The following DCUN1D1 variants were observed in gnomAD, a reference collection of about 807,000 sequenced individuals.
DCUN1D1 encodes defective in cullin neddylation 1 domain containing 1.
DCUN1D1 carries 3 observed loss-of-function variants against 39.0 expected under a neutral mutation model. That is an observed-to-expected ratio of 0.08 (90% CI 0.04 to 0.20). The LOEUF (loss-of-function observed/expected upper bound fraction) is 0.20. DCUN1D1 is among the 10% of genes least tolerant of loss of function. The pLI, the probability that DCUN1D1 is intolerant of heterozygous loss-of-function variation, is 1.00. For missense variants in DCUN1D1, 158 were observed against 302.4 expected (o/e 0.52, Z 3.54); for synonymous variants, 82 against 96.3 (o/e 0.85, Z 0.87).
intron 1 of DCUN1D1, among the ~76,000 whole-genome samples, chr3:182,979,607 C>CA (rs1553846263): frequency 6.7e-6 from 1 of 148,240 alleles, no homozygotes; most frequent in Admixed American, 6.7e-5. Context: ...TTTTCCCCCC[C>CA]CCAAACAAAA....
chr3:182,976,876 C>T (rs1161193062), intron 1 of DCUN1D1, among the ~76,000 whole-genome samples: 7 of 152,148 alleles, frequency 4.6e-5, no homozygotes, highest in African/African-American at 1.4e-4. Flanking sequence ...TATTTGTAGA[C>T]ATGCAAAGAA....
At chr3:182,966,822 G>C (rs1487195929) in intron 1 of DCUN1D1, among the ~76,000 whole-genome samples, 1 of 151,946 alleles carries the variant, frequency 6.6e-6, no homozygotes, top group African/African-American at 2.4e-5. Flanking sequence ...ATATTCTGTG[G>C]TTGGCTGGGC....
At chr3:182,981,236 G>C (rs1728537802), upstream of DCUN1D1, among the ~76,000 whole-genome samples, 1 of 152,110 alleles carries the variant, frequency 6.6e-6, no homozygotes, top group South Asian at 2.1e-4. Flanking sequence ...TGAGACCCAA[G>C]GCCGGGCTGC....
chr3:182,984,956 C>T (rs1728679381), upstream of DCUN1D1, among the ~76,000 whole-genome samples: 1 of 152,196 alleles, frequency 6.6e-6, no homozygotes. Context: ...CCCTCCCACA[C>T]TTAACTTGGG....
rs1461866486 is a variant in DCUN1D1, at chr3:182,940,145, C to T, written c.*4949G>A. The T allele has an allele frequency of 6.6e-6, 1 of 152,076 alleles. No homozygotes were observed. Among genetic ancestry groups the T allele is most frequent in the African/African-American group, 2.4e-5 (1 of 41,404 alleles). 9.4% of individuals were successfully genotyped at this position (152,076 alleles called of 1,614,324 possible). A position where few individuals can be genotyped will look rare whatever the true frequency, so the allele number is the denominator to read the frequency against. Reference sequence around the variant, plus strand: ...TAGCCATTTCATTAATTGGTCTTCCCCCAACCTTATGCCCTATAGTATTTC... The same window carrying T: ...TAGCCATTTCATTAATTGGTCTTCCTCCAACCTTATGCCCTATAGTATTTC... On this transcript the variant is annotated 3_prime_UTR_variant, in exon 7 of 7. Transcript: ENST00000292782.
At chr3:182,973,980 C>T (rs571591116) in intron 1 of DCUN1D1, among the ~76,000 whole-genome samples, 1 of 152,100 alleles carries the variant, frequency 6.6e-6, no homozygotes, top group Non-Finnish European at 1.5e-5. Flanking sequence ...AGGCCAGCCG[C>T]GCCCGGCCTT....
At chr3:182,952,115 G>A (rs980142045) in intron 4 of DCUN1D1, among the ~76,000 whole-genome samples, 7 of 152,070 alleles carry the variant, frequency 4.6e-5, no homozygotes, top group Non-Finnish European at 7.4e-5. Context: ...AACTCTGAAG[G>A]GTCATCAGAC....
intron 1 of DCUN1D1, among the ~76,000 whole-genome samples, chr3:182,968,788 T>C (rs898430626): frequency 6.6e-5 from 10 of 152,056 alleles, no homozygotes; most frequent in Admixed American, 6.6e-4. Context: ...TTAGTAGAGA[T>C]GGGGTTTTGC....
chr3:182,979,605 C>G (rs943115807), intron 1 of DCUN1D1, among the ~76,000 whole-genome samples: 20 of 146,660 alleles, frequency 1.4e-4, no homozygotes, highest in Admixed American at 1.4e-3. Context: ...CTTTTTCCCC[C>G]CCCCAAACAA....
chr3:182,984,109 A>G (rs1029250711), upstream of DCUN1D1, among the ~76,000 whole-genome samples: 1 of 152,206 alleles, frequency 6.6e-6, no homozygotes, highest in Non-Finnish European at 1.5e-5. Context: ...AATGAAAAGA[A>G]AGAGATATGT....
intron 4 of DCUN1D1, among the ~76,000 whole-genome samples, chr3:182,954,264 A>C (rs150359358): frequency 2.0e-5 from 3 of 152,372 alleles, no homozygotes; most frequent in African/African-American, 7.2e-5. Context: ...ATCCAGGTGA[A>C]GAATACGCAA....
intron 1 of DCUN1D1, among the ~76,000 whole-genome samples, chr3:182,971,270 G>A (rs1727921642): frequency 6.6e-6 from 1 of 152,162 alleles, no homozygotes; most frequent in Non-Finnish European, 1.5e-5. Flanking sequence ...AGTCCACAGA[G>A]GAAGAAAGAT....
intron 1 of DCUN1D1, among the ~76,000 whole-genome samples, chr3:182,973,668 A>G (rs890053457): frequency 4.6e-5 from 7 of 152,036 alleles, no homozygotes; most frequent in African/African-American, 1.2e-4. Flanking sequence ...TTAGCTGGGC[A>G]TGGTGGCGTG....
upstream of DCUN1D1, among the ~76,000 whole-genome samples, chr3:182,985,025 T>C (rs1374007620): frequency 6.6e-6 from 1 of 152,234 alleles, no homozygotes; most frequent in African/African-American, 2.4e-5. Flanking sequence ...AGCTTGCTGA[T>C]TTATAAATAC....
At chr3:182,972,789 C>A (rs1728010596) in intron 1 of DCUN1D1, among the ~76,000 whole-genome samples, 1 of 152,172 alleles carries the variant, frequency 6.6e-6, no homozygotes, top group African/African-American at 2.4e-5. Context: ...ACCTGTAATC[C>A]CAGCACTCTG....
chr3:182,980,433 GCGGCAGCGCCGGCCCCCAGC>G, intron 1 of DCUN1D1, 34 bp downstream of exon 1: 1 of 1,041,024 alleles, frequency 9.6e-7, no homozygotes, highest in South Asian at 4.2e-5. Context: ...GCGGGGGTGC[GCGGCAGCGCCGGCCCCCAGC>G]CGGCAGGGCG....
chr3:182,963,328 A>G (rs535162413), intron 3 of DCUN1D1, among the ~76,000 whole-genome samples: 1 of 152,330 alleles, frequency 6.6e-6, no homozygotes, highest in African/African-American at 2.4e-5. Flanking sequence ...GTGGCCCACT[A>G]AAAAACAGAA....
chr3:182,968,802 G>T (rs1727796673), intron 1 of DCUN1D1, among the ~76,000 whole-genome samples: 1 of 152,090 alleles, frequency 6.6e-6, no homozygotes, highest in Non-Finnish European at 1.5e-5. Flanking sequence ...GTTTTGCCAT[G>T]TTGCCTAGGC....
Position 182,939,491 on chromosome 3 carries a change from G to A in DCUN1D1, c.*5603C>T, listed in dbSNP as rs889428936. ...CTGGTGAATGGATAAACAAAATGTGGTATATCCAAACAGTGAACACTAAGT... is the reference window on the plus strand; with the variant it reads ...CTGGTGAATGGATAAACAAAATGTGATATATCCAAACAGTGAACACTAAGT... On this transcript the variant is annotated 3_prime_UTR_variant, in exon 7 of 7. Transcript: ENST00000292782. 2.0e-5 allele frequency: 3 copies of A among 152,198 alleles called. No homozygotes were observed. Among genetic ancestry groups the A allele is most frequent in the African/African-American group, 4.8e-5 (2 of 41,432 alleles). The allele number at this position is 152,198 out of a possible 1,614,324, so 9.4% of individuals were successfully genotyped here. A position where few individuals can be genotyped will look rare whatever the true frequency, so the allele number is the denominator to read the frequency against.
Sources: allele counts gnomAD v4.1 joint callset (sites outside exome capture counted in the v4.1 genomes callset), GRCh38; gene constraint gnomAD v4.1.1; transcripts MANE v1.5; gene names NCBI Gene and HGNC (gene_info 2026-07-23, HGNC 2026-07-21).